The following HECTD4 variants were observed in gnomAD, a reference collection of about 807,000 sequenced individuals.
The protein encoded by HECTD4 is HECT domain E3 ubiquitin protein ligase 4.
A neutral mutation model predicts 471.5 loss-of-function variants in HECTD4; 114 were observed. That is an observed-to-expected ratio of 0.24 (90% CI 0.21 to 0.28). The LOEUF is 0.28. HECTD4 is among the 10% of genes least tolerant of loss of function. HECTD4 has a pLI of 1.00. For missense variants in HECTD4, 3,866 were observed against 5,651.5 expected (o/e 0.68, Z 10.13); for synonymous variants, 2,012 against 2,256.0 (o/e 0.89, Z 3.07).
At chr12:112,366,635 C>T (rs1236965630) in intron 1 of HECTD4, among the ~76,000 whole-genome samples, 4 of 151,730 alleles carry the variant, frequency 2.6e-5, no homozygotes, top group Admixed American at 6.6e-5. Flanking sequence ...AATTCCAGCA[C>T]TTTGGGAACC....
At chr12:112,264,003 C>G in intron 17 of HECTD4, 81 bp downstream of exon 17, 1 of 1,350,358 alleles carries the variant, frequency 7.4e-7, no homozygotes, top group Non-Finnish European at 9.9e-7. Context: ...ATTCTGACAT[C>G]ATAAAACACA....
chr12:112,239,744 T>C lies in HECTD4; in HGVS notation c.5105+137A>G. ...ATTTACATAGGAACCTTAAGTGTCTTTCAGGAGAAAAGTTTTGTATAGCTA... is the reference window on the plus strand; with the variant it reads ...ATTTACATAGGAACCTTAAGTGTCTCTCAGGAGAAAAGTTTTGTATAGCTA... On this transcript the variant is annotated intron_variant, in intron 33 of 75. Coordinates refer to ENST00000682272, the MANE Select transcript of HECTD4 (RefSeq NM_001388303.1). The surrounding 1 kb of genome is among the most constrained non-coding windows in gnomAD (Gnocchi z 4.9). The C allele has an allele frequency of 2.9e-6, 2 of 690,428 alleles. No individual in the cohort carries two copies. The highest frequency in any genetic ancestry group is 4.5e-6 in the Non-Finnish European group (2 of 446,870). 42.8% of individuals were successfully genotyped at this position (690,428 alleles called of 1,614,324 possible). A position where few individuals can be genotyped will look rare whatever the true frequency, so the allele number is the denominator to read the frequency against.
At chr12:112,204,403 C>T (rs1566071246) in intron 53 of HECTD4, 83 bp downstream of exon 53, 1 of 1,315,384 alleles carries the variant, frequency 7.6e-7, no homozygotes, top group Admixed American at 1.9e-5. Context: ...AGGAGAACCA[C>T]CAGCTGCTTG....
chr12:112,239,630 C>T lies in HECTD4; in HGVS notation c.5105+251G>A, dbSNP rs866038869. On this transcript the variant is annotated intron_variant, in intron 33 of 75. Transcript: ENST00000682272. The surrounding 1 kb of genome is among the most constrained non-coding windows in gnomAD (Gnocchi z 4.9). ...AATATGTAAGTAATTTCCTAGGGAC[C>T]TTTTATTTTTCTTTGAACCTCTGTA... 6.6e-6 allele frequency among the ~76,000 whole-genome samples: 1 copy of T among 152,140 alleles called. No homozygotes were observed. Among genetic ancestry groups the T allele is most frequent in the East Asian group, 1.9e-4 (1 of 5,194 alleles).
At position 112,228,520 on chromosome 12, in the gene HECTD4, A is replaced by G. The variant is rs1036425833; in HGVS notation, c.6684+127T>C. On this transcript the variant is annotated intron_variant, in intron 42 of 75. Coordinates refer to ENST00000682272, the MANE Select transcript of HECTD4 (RefSeq NM_001388303.1). This position sits in a 1 kb window ranked among gnomAD's most constrained non-coding sequence, Gnocchi z 4.9. ...TTAAATAACTATAACCAATACATAA[A>G]TATACATCACAAGTACAATTTAAGA... is the stretch of plus-strand genomic sequence containing the variant. The G allele has an allele frequency of 1.1e-6, 1 of 942,848 alleles. No individual in the cohort carries two copies. Among genetic ancestry groups the G allele is most frequent in the Non-Finnish European group, 1.5e-6 (1 of 651,342 alleles). The allele number at this position is 942,848 out of a possible 1,614,324, so 58.4% of individuals were successfully genotyped here.
chr12:112,280,380 C>T (rs977473944), intron 8 of HECTD4, among the ~76,000 whole-genome samples: 4 of 152,104 alleles, frequency 2.6e-5, no homozygotes, highest in Admixed American at 6.5e-5. Context: ...ACAAGCCTAG[C>T]GAGGATTGAT....
At position 112,313,131 on chromosome 12, in the gene HECTD4, C is replaced by T; in HGVS notation, c.802G>A (p.Gly268Arg). The change falls in exon 4 of 76, where the codon GGG becomes AGG. Residue 268 changes from glycine (G) to arginine (R), a missense_variant. Gly to Arg is a moderately radical substitution (Grantham distance 125, BLOSUM62 -2). Around this residue, in one of 16 missense-constraint regions of HECTD4, gnomAD observed 440 missense variants for 636.0 expected, o/e 0.69. Coordinates refer to ENST00000682272, the MANE Select transcript of HECTD4 (RefSeq NM_001388303.1). ...AAACAGGAGGGAGATCCAGGCCCCC[C>T]TTCCAAAAGCAACAGCCTATATGGG... ...DVLYRLLLLEGGPGSPSCLLG... is the reference protein window; with the variant it reads ...DVLYRLLLLERGPGSPSCLLG... 2 of 1,535,436 alleles carry T rather than the reference C, an allele frequency of 1.3e-6. No individual in the cohort carries two copies. The highest frequency in any genetic ancestry group is 1.7e-6 in the Non-Finnish European group (2 of 1,146,572).
intron 4 of HECTD4, among the ~76,000 whole-genome samples, chr12:112,311,011 C>A (rs959244382): frequency 3.3e-5 from 5 of 152,086 alleles, no homozygotes; most frequent in African/African-American, 1.2e-4. Flanking sequence ...CCTGTAATCC[C>A]AACACTTTGG....
intron 70 of HECTD4, 55 bp downstream of exon 70, chr12:112,169,448 G>C (rs2031124775): frequency 4.6e-6 from 7 of 1,530,598 alleles, no homozygotes; most frequent in Non-Finnish European, 6.2e-6. Flanking sequence ...CTGGGGCTAA[G>C]GCTGGACACT....
intron 43 of HECTD4, among the ~76,000 whole-genome samples, 193 bp downstream of exon 43, chr12:112,227,896 C>T (rs527483643): frequency 6.6e-6 from 1 of 152,146 alleles, no homozygotes; most frequent in South Asian, 2.1e-4. Flanking sequence ...GGGAACGCAA[C>T]AAAAATTGAA....
chr12:112,369,983 T>A (rs765806057), intron 1 of HECTD4, among the ~76,000 whole-genome samples: 6 of 152,084 alleles, frequency 3.9e-5, no homozygotes, highest in Admixed American at 6.6e-5. Flanking sequence ...AATGTGACCT[T>A]AGATGGCAAA....
chr12:112,209,223 T>C (rs2032686650), intron 50 of HECTD4, among the ~76,000 whole-genome samples: 1 of 152,172 alleles, frequency 6.6e-6, no homozygotes, highest in African/African-American at 2.4e-5. Flanking sequence ...TAAAACAGTT[T>C]GCAAACTAGT....
intron 1 of HECTD4, among the ~76,000 whole-genome samples, chr12:112,380,931 C>T (rs146079638): frequency 6.6e-6 from 1 of 152,230 alleles, no homozygotes; most frequent in Non-Finnish European, 1.5e-5. Flanking sequence ...CCTCGCATGC[C>T]GTTTATAGCC....
At chr12:112,216,518 C>T (rs1301121992) in intron 47 of HECTD4, 147 bp from the exon 48 acceptor site, 7 of 677,746 alleles carry the variant, frequency 1.0e-5, no homozygotes, top group Non-Finnish European at 1.8e-5. Flanking sequence ...AATACCCACA[C>T]CAATATTTCC....
At chr12:112,208,356 C>T in intron 51 of HECTD4, 138 bp downstream of exon 51, 1 of 883,300 alleles carries the variant, frequency 1.1e-6, no homozygotes, top group Non-Finnish European at 1.6e-6. Flanking sequence ...GGTCACTGTT[C>T]AAGCACAATG....
In HECTD4 at chr12:112,216,319, C is replaced by T. The variant is rs1403190994; in HGVS notation, c.7438G>A (p.Val2480Ile). 6.4e-6 allele frequency: 10 copies of T among 1,555,408 alleles called. No individual in the cohort carries two copies. The highest frequency in any genetic ancestry group is 1.2e-5 in the South Asian group (1 of 84,242). ...NGSSLLQWKS[V>I]RLDVTLSPGD... Reference sequence around the variant, plus strand: ...GGGGAGAGAGTCACGTCTAAGCGAACGCTCTTCCACTGTAACAAACTGGAG... The same window carrying T: ...GGGGAGAGAGTCACGTCTAAGCGAATGCTCTTCCACTGTAACAAACTGGAG... Residue 2480 changes from valine (V) to isoleucine (I), a missense_variant, in exon 48 of 76, where the codon GTT becomes ATT. This residue lies in a region of HECTD4 where 617 missense variants were observed against 915.1 expected (regional missense o/e 0.67). Coordinates refer to ENST00000682272, the MANE Select transcript of HECTD4 (RefSeq NM_001388303.1).
chr12:112,254,100 T>G lies in HECTD4; in HGVS notation c.3390A>C (p.Thr1130=). 6.2e-7 allele frequency: 1 copy of G among 1,614,014 alleles called. No homozygotes were observed. Among genetic ancestry groups the G allele is most frequent in the Non-Finnish European group, 8.5e-7 (1 of 1,179,874 alleles). The change falls in exon 22 of 76, where the codon ACA becomes ACC. Residue 1130 remains threonine (T), a synonymous_variant. Coordinates refer to ENST00000682272, the MANE Select transcript of HECTD4 (RefSeq NM_001388303.1). ...SRKVAEYGGN[T]LGYGSRSVLG... ...AGACACTACGGCTGCCATATCCCAG[T>G]GTGTTGCCTCCATATTCAGCAACCT...
rs368642505 is a variant in HECTD4, at chr12:112,247,442, T to C, written c.4337+20A>G. 1.0e-5 allele frequency: 13 copies of C among 1,260,970 alleles called. No individual in the cohort carries two copies. The East Asian group carries it at 3.1e-4, about 30-fold the overall frequency. The allele number at this position is 1,260,970 out of a possible 1,614,324, so 78.1% of individuals were successfully genotyped here. A position where few individuals can be genotyped will look rare whatever the true frequency, so the allele number is the denominator to read the frequency against. The stretch of plus-strand genomic sequence containing the variant: ...AGCATCAAGGTGATAATAGCCTTAA[T>C]AGTTATTAATACGACTAACCTCAGT... On this transcript the variant is annotated intron_variant, in intron 28 of 75. Coordinates refer to ENST00000682272, the MANE Select transcript of HECTD4 (RefSeq NM_001388303.1).
intron 1 of HECTD4, among the ~76,000 whole-genome samples, chr12:112,323,703 T>G (rs912218376): frequency 6.6e-6 from 1 of 151,728 alleles, no homozygotes; most frequent in African/African-American, 2.4e-5. Flanking sequence ...GGAGTTTTTT[T>G]GGGGGGGTTG....
Sources: gnomAD v4.1 joint callset for allele counts (sites outside exome capture counted in the v4.1 genomes callset) on GRCh38, gnomAD v4.1.1 for gene constraint, gnomAD v4.1.1 regional missense constraint, Gnocchi (gnomAD v3.1) non-coding constraint, MANE v1.5 for transcripts, NCBI Gene and HGNC (gene_info 2026-07-23, HGNC 2026-07-21) for gene names.